The following NRP1 variants were observed in gnomAD, a reference collection of about 807,000 sequenced individuals.
NRP1 encodes the protein neuropilin-1.
NRP1 carries 35 observed loss-of-function variants against 106.7 expected under a neutral mutation model. The observed-to-expected ratio is 0.33, with a 90% CI of 0.25 to 0.43. The LOEUF is 0.43. Ranked by LOEUF, NRP1 falls within the 20% of genes least tolerant of loss-of-function variation. The pLI, the probability that NRP1 is intolerant of heterozygous loss-of-function variation, is 1.00. For missense variants in NRP1, 1,024 were observed against 1,170.4 expected, an observed-to-expected ratio of 0.87 and a Z score of 1.83; for synonymous variants, 437 against 417.9, an observed-to-expected ratio of 1.05 and a Z score of -0.56.
chr10:33,265,670 G>C (rs1842871081), intron 3 of NRP1, among the ~76,000 whole-genome samples: 1 of 152,178 alleles, frequency 6.6e-6, no homozygotes, highest in Non-Finnish European at 1.5e-5. Flanking sequence ...GATGGGCCCA[G>C]TAAACCTGGT....
chr10:33,218,455 C>T (rs1838961994), intron 8 of NRP1, among the ~76,000 whole-genome samples: 1 of 151,646 alleles, frequency 6.6e-6, no homozygotes, highest in African/African-American at 2.4e-5. Flanking sequence ...ACGCCATTCT[C>T]CTGCCTCAGC....
chr10:33,181,642 G>A (rs762925282), intron 16 of NRP1, among the ~76,000 whole-genome samples: 52 of 152,202 alleles, frequency 3.4e-4, no homozygotes, highest in Admixed American at 9.8e-4. Flanking sequence ...CAAAGGTCTT[G>A]CATTTGATCA....
chr10:33,196,185 C>T (rs780038649), intron 12 of NRP1, among the ~76,000 whole-genome samples: 2 of 151,890 alleles, frequency 1.3e-5, no homozygotes, highest in East Asian at 3.9e-4. Flanking sequence ...TTTAACGATC[C>T]CTACCCCCTT....
rs1480437071 is a variant in NRP1 at position 33,230,129 on chromosome 10, C to T, written c.982-3840G>A. 2.0e-5 allele frequency among the ~76,000 whole-genome samples: 3 copies of T among 152,236 alleles called. No individual in the cohort carries two copies. The South Asian group carries it at 6.2e-4, about 32-fold the overall frequency. ...CCTCACTGCTAAGACCAGGGAAGTT[C>T]TTTCCACGAGTCCTTTCTCTTAATG... On this transcript the variant is annotated intron_variant, in intron 6 of 16. Transcript: ENST00000374867.
At chr10:33,236,655 T>A (rs568318350) in intron 6 of NRP1, among the ~76,000 whole-genome samples, 1 of 152,312 alleles carries the variant, frequency 6.6e-6, no homozygotes, top group South Asian at 2.1e-4. Context: ...GTTCCTAATA[T>A]TTGTCAGCCC....
At chr10:33,312,454 G>A (rs1020768307) in intron 2 of NRP1, among the ~76,000 whole-genome samples, 5 of 152,306 alleles carry the variant, frequency 3.3e-5, no homozygotes, top group African/African-American at 7.2e-5. Context: ...AAAGAGCTTC[G>A]AAATGATGAT....
chr10:33,187,838 G>GT (rs1836114668), intron 13 of NRP1, among the ~76,000 whole-genome samples: 1 of 152,220 alleles, frequency 6.6e-6, no homozygotes, highest in South Asian at 2.1e-4. Context: ...CCGCTTGCCT[G>GT]TGTCAACAGT....
chr10:33,312,443 C>T (rs556655399), intron 2 of NRP1, among the ~76,000 whole-genome samples: 1 of 152,294 alleles, frequency 6.6e-6, no homozygotes, highest in South Asian at 2.1e-4. Context: ...CCAGTGGTTA[C>T]AAAGAGCTTC....
At chr10:33,274,426 T>C (rs1176996868) in intron 2 of NRP1, among the ~76,000 whole-genome samples, 2 of 152,066 alleles carry the variant, frequency 1.3e-5, no homozygotes, top group African/African-American at 4.8e-5. Flanking sequence ...CTAGAGATTA[T>C]TTTTTTTCTT....
intron 2 of NRP1, among the ~76,000 whole-genome samples, chr10:33,322,503 C>G (rs542725709): frequency 4.6e-4 from 70 of 152,232 alleles, no homozygotes; most frequent in African/African-American, 1.7e-3. Context: ...CCTGCCTTGG[C>G]CCCCAAAAGC....
At chr10:33,314,238 C>T (rs1218406564) in intron 2 of NRP1, among the ~76,000 whole-genome samples, 1 of 152,106 alleles carries the variant, frequency 6.6e-6, no homozygotes, top group African/African-American at 2.4e-5. Flanking sequence ...GGGCGCATGG[C>T]ACCATGCTTG....
intron 12 of NRP1, 106 bp downstream of exon 12, chr10:33,197,544 G>A (rs1388082840): frequency 5.4e-6 from 4 of 735,028 alleles, no homozygotes; most frequent in Non-Finnish European, 8.8e-6. Context: ...GATGCTGTGT[G>A]GCATCTCTCC....
intron 2 of NRP1, among the ~76,000 whole-genome samples, chr10:33,279,921 T>G (rs761377586): frequency 1.1e-4 from 17 of 152,048 alleles, no homozygotes; most frequent in Non-Finnish European, 1.5e-4. Flanking sequence ...GTTTGGGAGC[T>G]CTGAGCCTAT....
chr10:33,287,274 G>C, intron 2 of NRP1, among the ~76,000 whole-genome samples: 1 of 152,130 alleles, frequency 6.6e-6, no homozygotes, highest in Non-Finnish European at 1.5e-5. Flanking sequence ...ATGTGTGACA[G>C]GCACGTTAAA....
intron 2 of NRP1, among the ~76,000 whole-genome samples, chr10:33,279,897 C>G (rs1315016199): frequency 6.6e-6 from 1 of 152,170 alleles, no homozygotes; most frequent in Non-Finnish European, 1.5e-5. Context: ...GTCCTCTCAT[C>G]ATAGTGACTG....
At chr10:33,287,971 G>T (rs766403358) in intron 2 of NRP1, among the ~76,000 whole-genome samples, 3 of 152,136 alleles carry the variant, frequency 2.0e-5, no homozygotes, top group South Asian at 2.1e-4. Context: ...GTGTGAGCCC[G>T]AGCTTTTCTG....
At chr10:33,255,962 A>G (rs983670617) in intron 5 of NRP1, among the ~76,000 whole-genome samples, 3 of 152,154 alleles carry the variant, frequency 2.0e-5, no homozygotes, top group Admixed American at 6.5e-5. Context: ...TGTTCTTATC[A>G]TCTGGGATAG....
chr10:33,243,482 A>G (rs1280666258), intron 6 of NRP1, among the ~76,000 whole-genome samples: 5 of 152,242 alleles, frequency 3.3e-5, no homozygotes, highest in African/African-American at 4.8e-5. Flanking sequence ...CAGGCTAGCT[A>G]AAAGAATAAA....
At chr10:33,285,346 C>T (rs1257007450) in intron 2 of NRP1, among the ~76,000 whole-genome samples, 1 of 152,076 alleles carries the variant, frequency 6.6e-6, no homozygotes, top group African/African-American at 2.4e-5. Flanking sequence ...AAAACTGGAG[C>T]CCAGAACACT....
Sources: allele counts gnomAD v4.1 joint callset (sites outside exome capture counted in the v4.1 genomes callset), GRCh38; gene constraint gnomAD v4.1.1; transcripts MANE v1.5; gene names NCBI Gene and HGNC (gene_info 2026-07-23, HGNC 2026-07-21).